MARCHF8: variants seen among roughly 807,000 people sequenced by gnomAD.
MARCHF8 encodes the protein membrane associated ring-CH-type finger 8.
In MARCHF8, 40 loss-of-function variants were observed where a neutral mutation model predicts 51.6. That is an observed-to-expected ratio of 0.77 (90% CI 0.60 to 1.01). The LOEUF is 1.01. Among genes scored for constraint, MARCHF8 ranks in the 50% least tolerant of loss-of-function variants. The pLI, the probability that MARCHF8 is intolerant of heterozygous loss-of-function variation, is 0.00. For missense variants in MARCHF8, 685 were observed against 708.6 expected (o/e 0.97, Z 0.38); for synonymous variants, 263 against 280.3 (o/e 0.94, Z 0.62).
At chr10:45,556,786 A>G (rs1158200728) in intron 1 of MARCHF8, among the ~76,000 whole-genome samples, 2 of 152,178 alleles carry the variant, frequency 1.3e-5, no homozygotes, top group Admixed American at 6.5e-5. Flanking sequence ...TCTGTTTGCT[A>G]TACTTCTCTG....
Position 45,463,496 on chromosome 10 carries a change from T to G in MARCHF8, c.743A>C (p.Asp248Ala). The change falls in exon 5 of 8, where the codon GAT becomes GCT. Residue 248 changes from aspartate (D) to alanine (A), a missense_variant. Coordinates refer to ENST00000453424, the MANE Select transcript of MARCHF8 (RefSeq NM_001282866.2). ...CCGGCTTCGGGACGTGGCCTCACCA[T>G]CCGCCTTCTCTTCCAGCAGCAGGCC... ...RPGLLLEEKA[D>A]GEATSRSRQL... 6.4e-7 allele frequency: 1 copy of G among 1,550,640 alleles called. No homozygotes were observed. The highest frequency in any genetic ancestry group is 8.7e-7 in the Non-Finnish European group (1 of 1,146,996).
At chr10:45,492,977 T>C (rs911192829) in intron 2 of MARCHF8, among the ~76,000 whole-genome samples, 8 of 152,220 alleles carry the variant, frequency 5.3e-5, no homozygotes, top group African/African-American at 1.9e-4. Flanking sequence ...CATGCTGACA[T>C]TCCAAAGTTT....
At chr10:45,501,605 C>T (rs1419455470) in intron 2 of MARCHF8, among the ~76,000 whole-genome samples, 7 of 152,038 alleles carry the variant, frequency 4.6e-5, no homozygotes, top group African/African-American at 1.4e-4. Context: ...CTATACTACA[C>T]ACCCAAAGCA....
chr10:45,575,192 T>C (rs954881998), intron 1 of MARCHF8, among the ~76,000 whole-genome samples: 2 of 152,068 alleles, frequency 1.3e-5, no homozygotes, highest in African/African-American at 4.8e-5. Flanking sequence ...CCCAGGACAA[T>C]GCTTATGCTA....
At position 45,576,938 on chromosome 10, in the gene MARCHF8, T is replaced by A. The variant is rs2044496394; in HGVS notation, c.-79+17297A>T. Among the ~76,000 whole-genome samples the A allele has an allele frequency of 5.4e-5, 7 of 130,306 alleles. No homozygotes were observed. The South Asian group carries it at 1.7e-3, about 32-fold the overall frequency. 85.5% of individuals were successfully genotyped at this position (130,306 alleles called of 152,430 possible). On this transcript the variant is annotated intron_variant, in intron 1 of 6. Coordinates refer to the MARCHF8 transcript ENST00000319836. ...CACCACTGCACTCCAGCCTGGGTGATAAAGTGAGACTCTGTCTCTAAACAA... is the reference window on the plus strand; with the variant it reads ...CACCACTGCACTCCAGCCTGGGTGAAAAAGTGAGACTCTGTCTCTAAACAA...
chr10:45,543,787 G>A (rs2044084598), intron 1 of MARCHF8, among the ~76,000 whole-genome samples: 1 of 106,114 alleles, frequency 9.4e-6, no homozygotes, highest in Non-Finnish European at 1.7e-5. Context: ...GACAGAGTGA[G>A]ACTCCGTCTC....
At chr10:45,558,994 C>T (rs2044281752) in intron 1 of MARCHF8, among the ~76,000 whole-genome samples, 1 of 151,998 alleles carries the variant, frequency 6.6e-6, no homozygotes, top group African/African-American at 2.4e-5. Context: ...AGTAATATTC[C>T]AAGTAAATAC....
chr10:45,577,103 T>A (rs974886279), intron 1 of MARCHF8, among the ~76,000 whole-genome samples: 3 of 151,206 alleles, frequency 2.0e-5, no homozygotes, highest in Non-Finnish European at 4.4e-5. Context: ...AGCCAGAGGG[T>A]GAAATAAGCC....
At chr10:45,576,122 C>G (rs559390652) in intron 1 of MARCHF8, among the ~76,000 whole-genome samples, 1 of 152,292 alleles carries the variant, frequency 6.6e-6, no homozygotes, top group South Asian at 2.1e-4. Context: ...TCTTACAGAG[C>G]TACAATAATC....
At chr10:45,535,406 A>G (rs2043957816), upstream of MARCHF8, 1 of 152,248 alleles carries the variant, frequency 6.6e-6, no homozygotes, top group Non-Finnish European at 1.5e-5. Flanking sequence ...TGATATAATC[A>G]TCATTATTAC....
At chr10:45,509,570 T>C (rs980220844) in intron 2 of MARCHF8, among the ~76,000 whole-genome samples, 4 of 152,224 alleles carry the variant, frequency 2.6e-5, no homozygotes, top group Non-Finnish European at 5.9e-5. Context: ...GCAACTAAAC[T>C]CACATTTGAA....
intron 5 of MARCHF8, among the ~76,000 whole-genome samples, chr10:45,462,718 C>CG (rs1343453455): frequency 6.6e-6 from 1 of 151,920 alleles, no homozygotes; most frequent in African/African-American, 2.4e-5. Flanking sequence ...CTCCGCCTCC[C>CG]GGGTTCAAGC....
At chr10:45,554,606 G>GC (rs1419187943) in intron 1 of MARCHF8, among the ~76,000 whole-genome samples, 3 of 152,158 alleles carry the variant, frequency 2.0e-5, no homozygotes, top group Admixed American at 1.3e-4. Flanking sequence ...TAATGTGAAG[G>GC]CACTCCCATT....
chr10:45,512,587 T>C (rs2043544076), intron 2 of MARCHF8, among the ~76,000 whole-genome samples: 1 of 128,812 alleles, frequency 7.8e-6, no homozygotes, highest in Non-Finnish European at 1.6e-5. Flanking sequence ...AGCCGCCCAG[T>C]CCGGGAGGGA....
At chr10:45,560,287 G>A (rs918991255) in intron 1 of MARCHF8, among the ~76,000 whole-genome samples, 1 of 152,188 alleles carries the variant, frequency 6.6e-6, no homozygotes, top group African/African-American at 2.4e-5. Context: ...AGGCCAAGAG[G>A]TTTTATAAAA....
At chr10:45,503,466 G>A (rs2043319242) in intron 2 of MARCHF8, among the ~76,000 whole-genome samples, 1 of 151,980 alleles carries the variant, frequency 6.6e-6, no homozygotes, top group Non-Finnish European at 1.5e-5. Context: ...AGCCCGGGAG[G>A]CAGAGGTTGC....
At chr10:45,556,923 G>A (rs2044257510) in intron 1 of MARCHF8, among the ~76,000 whole-genome samples, 1 of 151,910 alleles carries the variant, frequency 6.6e-6, no homozygotes, top group Non-Finnish European at 1.5e-5. Context: ...TTAAGTCTAT[G>A]TTCCATAAAA....
At chr10:45,511,607 G>C (rs910300380) in intron 2 of MARCHF8, among the ~76,000 whole-genome samples, 2 of 151,774 alleles carry the variant, frequency 1.3e-5, no homozygotes, top group East Asian at 1.9e-4. Context: ...ACGGGGTTTC[G>C]CTGTGTTGGC....
At chr10:45,472,035 G>A (rs2042700605) in intron 3 of MARCHF8, among the ~76,000 whole-genome samples, 1 of 152,182 alleles carries the variant, frequency 6.6e-6, no homozygotes, top group Non-Finnish European at 1.5e-5. Context: ...AACTCTAAGA[G>A]CGAACCCTGA....
Sources: allele counts gnomAD v4.1 joint callset (sites outside exome capture counted in the v4.1 genomes callset), GRCh38; gene constraint gnomAD v4.1.1; transcripts MANE v1.5; gene names NCBI Gene and HGNC (gene_info 2026-07-23, HGNC 2026-07-21).